The following PDE10A variants were observed in gnomAD, a reference collection of about 807,000 sequenced individuals.
PDE10A encodes cAMP and cAMP-inhibited cGMP 3',5'-cyclic phosphodiesterase 10A.
A neutral mutation model predicts 97.7 loss-of-function variants in PDE10A; 39 were observed. That is an observed-to-expected ratio of 0.40 (90% confidence interval 0.31 to 0.52). The LOEUF is 0.52. Among genes scored for constraint, PDE10A ranks in the 20% least tolerant of loss-of-function variants. The probability of loss-of-function intolerance (pLI) is 0.56; values close to 1 mark genes in which losing one functional copy is unlikely to be tolerated. For missense variants in PDE10A, 731 were observed against 1,047.8 expected, an observed-to-expected ratio of 0.70 and a Z score of 4.17; for synonymous variants, 371 against 376.8, an observed-to-expected ratio of 0.98 and a Z score of 0.18.
chr6:165,422,944 A>T (rs1788826594), intron 10 of PDE10A, among the ~76,000 whole-genome samples: 1 of 152,150 alleles, frequency 6.6e-6, no homozygotes, highest in African/African-American at 2.4e-5. Flanking sequence ...GAGTAAAAAA[A>T]ATTAGGAAAC....
At chr6:165,353,058 T>C (rs909708182) in intron 18 of PDE10A, among the ~76,000 whole-genome samples, 25 of 152,098 alleles carry the variant, frequency 1.6e-4, no homozygotes, top group Non-Finnish European at 3.5e-4. Flanking sequence ...ACTAAAAATA[T>C]ATATAAAGAT....
intron 3 of PDE10A, among the ~76,000 whole-genome samples, chr6:165,457,267 A>G (rs182842487): frequency 6.6e-6 from 1 of 152,334 alleles, no homozygotes; most frequent in Admixed American, 6.5e-5. Context: ...TGACTTTCCT[A>G]AGAGAAACTA....
chr6:165,822,218 C>G (rs1779593986), intron 1 of PDE10A, among the ~76,000 whole-genome samples: 3 of 152,064 alleles, frequency 2.0e-5, no homozygotes, highest in African/African-American at 7.2e-5. Context: ...CAGTCCACCA[C>G]ACACCTGGGC....
chr6:165,619,324 GTAGTGTAGTGTAGTGTAGTC>G (rs1437724749), intron 1 of PDE10A, among the ~76,000 whole-genome samples: 14 of 130,362 alleles, frequency 1.1e-4, no homozygotes, highest in Admixed American at 2.1e-4. Context: ...CTAGTGTGGT[GTAGTGTAGTGTAGTGTAGTC>G]TAGTGTAGTG....
intron 1 of PDE10A, among the ~76,000 whole-genome samples, chr6:165,679,589 A>G (rs1790920540): frequency 6.6e-6 from 1 of 152,200 alleles, no homozygotes; most frequent in Admixed American, 6.5e-5. Flanking sequence ...AACGCCGGGA[A>G]GCACCTCACA....
At chr6:165,683,684 C>T (rs1791038211) in intron 1 of PDE10A, among the ~76,000 whole-genome samples, 1 of 152,228 alleles carries the variant, frequency 6.6e-6, no homozygotes, top group Admixed American at 6.5e-5. Context: ...AAGCCACAGT[C>T]TCCTGGAGGC....
At chr6:165,987,633 G>T (rs77341290) in exon 1 of PDE10A, 2 of 431,326 alleles carry the variant, frequency 4.6e-6, no homozygotes, top group East Asian at 7.0e-5. Context: ...AAGGCAAGGC[G>T]CCGGGAGCAC....
chr6:165,603,689 C>T lies in PDE10A; in HGVS notation c.865+58258G>A, dbSNP rs111322082. Among the ~76,000 whole-genome samples the T allele has an allele frequency of 1.2e-4, 19 of 152,330 alleles. No homozygotes were observed. In the South Asian group the frequency reaches 1.4e-3, roughly 12 times the overall value. On this transcript the variant is annotated intron_variant, in intron 1 of 21. Transcript: ENST00000539869. ...CATGCTCTGTGTCCTATGCGCAGAGCGACTTCACCACAGTCATGGGCACAA... is the reference window on the plus strand; with the variant it reads ...CATGCTCTGTGTCCTATGCGCAGAGTGACTTCACCACAGTCATGGGCACAA...
At chr6:165,804,658 G>T (rs1779068353) in intron 1 of PDE10A, among the ~76,000 whole-genome samples, 1 of 152,136 alleles carries the variant, frequency 6.6e-6, no homozygotes, top group South Asian at 2.1e-4. Context: ...CTGCAGGCGG[G>T]GCTGGTGGGA....
At chr6:165,637,706 G>A (rs1213839363) in intron 1 of PDE10A, among the ~76,000 whole-genome samples, 1 of 152,142 alleles carries the variant, frequency 6.6e-6, no homozygotes, top group Non-Finnish European at 1.5e-5. Flanking sequence ...GAAAGGCAAG[G>A]ACAGGGGTCA....
At chr6:165,566,559 C>T (rs1784788066) in intron 1 of PDE10A, among the ~76,000 whole-genome samples, 1 of 152,102 alleles carries the variant, frequency 6.6e-6, no homozygotes, top group Non-Finnish European at 1.5e-5. Flanking sequence ...CGCCAGAAAA[C>T]ATAGGACAGG....
At chr6:165,713,354 C>G (rs1217434663) in intron 1 of PDE10A, among the ~76,000 whole-genome samples, 1 of 152,192 alleles carries the variant, frequency 6.6e-6, no homozygotes, top group Non-Finnish European at 1.5e-5. Flanking sequence ...TAGGGAGTGA[C>G]CAGTGACTAG....
chr6:165,634,140 T>C (rs901218506), intron 1 of PDE10A, among the ~76,000 whole-genome samples: 16 of 152,050 alleles, frequency 1.1e-4, no homozygotes, highest in African/African-American at 3.9e-4. Context: ...GGCCCAGGAA[T>C]TTGCGTTTTT....
rs770577747 is a variant in PDE10A, at chr6:165,588,151, A to C, written c.866-44583T>G. 9.8e-5 allele frequency among the ~76,000 whole-genome samples: 15 copies of C among 152,292 alleles called. No individual in the cohort carries two copies. In the Middle Eastern group the frequency reaches 0.024, roughly 242 times the overall value. On this transcript the variant is annotated intron_variant, in intron 1 of 21. Transcript: ENST00000539869. ...ATAACTATATGTCTATACCTTTCAA[A>C]CTAAGTTATTCTTAAAATTGACACT... is the stretch of plus-strand genomic sequence containing the variant.
chr6:165,576,615 A>C (rs533329734), intron 1 of PDE10A, among the ~76,000 whole-genome samples: 1 of 152,172 alleles, frequency 6.6e-6, no homozygotes, highest in East Asian at 1.9e-4. Context: ...ACCTACTTGA[A>C]TCTTCTCCCT....
At chr6:165,408,001 A>G (rs1787349833) in intron 13 of PDE10A, among the ~76,000 whole-genome samples, 1 of 152,232 alleles carries the variant, frequency 6.6e-6, no homozygotes, top group Non-Finnish European at 1.5e-5. Flanking sequence ...TAAAAACATA[A>G]TAAGCATTAA....
At chr6:165,617,031 C>A (rs1787756914) in intron 1 of PDE10A, among the ~76,000 whole-genome samples, 1 of 152,166 alleles carries the variant, frequency 6.6e-6, no homozygotes, top group Non-Finnish European at 1.5e-5. Flanking sequence ...CATCTTAATA[C>A]TAGAGATATT....
chr6:165,893,471 T>C (rs539830644), intron 1 of PDE10A, among the ~76,000 whole-genome samples: 1 of 152,336 alleles, frequency 6.6e-6, no homozygotes, highest in East Asian at 1.9e-4. Flanking sequence ...GTGAATATAG[T>C]TTAAGATAGC....
Position 165,771,971 on chromosome 6 carries a change from C to T in PDE10A, c.-615+215558G>A, listed in dbSNP as rs543241091. ...TGGGCGTTGGTCTTCCCTTGGCAGG[C>T]TCATCAGCACTTAACCTCCTTGCTG... On this transcript the variant is annotated intron_variant, in intron 1 of 19. Coordinates refer to the PDE10A transcript ENST00000366882. Among the ~76,000 whole-genome samples, 3 of 152,318 alleles carry T rather than the reference C, an allele frequency of 2.0e-5. No individual in the cohort carries two copies. The Middle Eastern group carries it at 0.01, about 518-fold the overall frequency.
Sources: allele counts gnomAD v4.1 joint callset (sites outside exome capture counted in the v4.1 genomes callset), GRCh38; gene constraint gnomAD v4.1.1; transcripts MANE v1.5; gene names NCBI Gene and HGNC (gene_info 2026-07-23, HGNC 2026-07-21).